The following SEC24D variants were observed in gnomAD, a reference collection of about 807,000 sequenced individuals.
SEC24D encodes the protein SEC24 homolog D, COPII component, also known as protein transport protein Sec24D.
A neutral mutation model predicts 116.9 loss-of-function variants in SEC24D; 69 were observed. The ratio of observed to expected loss-of-function variants is 0.59; its 90% CI spans 0.49 to 0.72. The LOEUF is 0.72. SEC24D is among the 30% of genes least tolerant of loss of function. SEC24D has a pLI of 0.00. For missense variants in SEC24D, 1,131 were observed against 1,264.1 expected, an observed-to-expected ratio of 0.89 and a Z score of 1.60; for synonymous variants, 405 against 442.8, an observed-to-expected ratio of 0.91 and a Z score of 1.07.
intron 15 of SEC24D, among the ~76,000 whole-genome samples, chr4:118,742,501 T>C (rs538965227): frequency 1.2e-4 from 18 of 152,204 alleles, no homozygotes; most frequent in Non-Finnish European, 2.1e-4. Context: ...GTCAGAATTC[T>C]GTATGATTAT....
At chr4:118,760,997 A>G (rs1384915087) in intron 10 of SEC24D, among the ~76,000 whole-genome samples, 1 of 151,994 alleles carries the variant, frequency 6.6e-6, no homozygotes, top group East Asian at 1.9e-4. Context: ...GATTACAGGC[A>G]TGAGCCACCG....
intron 9 of SEC24D, 62 bp from the exon 10 acceptor site, chr4:118,764,979 G>A (rs1727573550): frequency 2.2e-6 from 2 of 928,290 alleles, no homozygotes; most frequent in Middle Eastern, 4.3e-4. Context: ...AATTTAGTAA[G>A]TTCTCAAAAT....
chr4:118,825,519 T>C (rs560576447), intron 2 of SEC24D: 6 of 451,808 alleles, frequency 1.3e-5, no homozygotes, highest in African/African-American at 4.0e-5. Context: ...AGGAGAGAAA[T>C]CACTGGGCTT....
chr4:118,771,783 C>T (rs561002921), intron 8 of SEC24D, among the ~76,000 whole-genome samples: 1 of 152,280 alleles, frequency 6.6e-6, no homozygotes, highest in South Asian at 2.1e-4. Context: ...TATTTGAATA[C>T]ATTATCAGTT....
Position 118,826,737 on chromosome 4 carries a change from T to TA in SEC24D, c.119-1989dup, listed in dbSNP as rs199732817. Among the ~76,000 whole-genome samples, 968 of 147,544 alleles carry TA rather than the reference T, an allele frequency of 6.6e-3. 12 individuals are homozygous for TA. The highest frequency in any genetic ancestry group is 0.022 in the African/African-American group (897 of 40,302). Reference sequence around the variant, plus strand: ...ACCCCTATAGACATGTCTAGAGAATTAAAAAAAAAAGCTCTGATATATGCA... The same window carrying TA: ...ACCCCTATAGACATGTCTAGAGAATTAAAAAAAAAAAGCTCTGATATATGCA... On this transcript the variant is annotated intron_variant, in intron 2 of 22. Transcript: ENST00000280551.
intron 21 of SEC24D, chr4:118,730,935 A>AC (rs1018904194): frequency 1.3e-4 from 33 of 259,464 alleles, no homozygotes; most frequent in Admixed American, 3.5e-4. Flanking sequence ...CCACTTTACT[A>AC]CCTGAAGGAA....
chr4:118,788,488 T>C (rs1317143338), intron 8 of SEC24D, among the ~76,000 whole-genome samples: 1 of 152,246 alleles, frequency 6.6e-6, no homozygotes, highest in Non-Finnish European at 1.5e-5. Flanking sequence ...CTAAAATATC[T>C]TGGTCCAAAA....
intron 8 of SEC24D, among the ~76,000 whole-genome samples, chr4:118,774,501 G>A (rs1728047508): frequency 6.6e-6 from 1 of 152,130 alleles, no homozygotes; most frequent in Non-Finnish European, 1.5e-5. Flanking sequence ...TTGTTCAGAG[G>A]AATGCAAGGT....
intron 21 of SEC24D, chr4:118,729,705 A>G (rs1313674276): frequency 6.6e-6 from 1 of 152,222 alleles, no homozygotes; most frequent in Non-Finnish European, 1.5e-5. Context: ...TAAAATGCTA[A>G]TGTTTGCTTC....
At chr4:118,793,971 C>A (rs963417001) in intron 8 of SEC24D, among the ~76,000 whole-genome samples, 5 of 152,216 alleles carry the variant, frequency 3.3e-5, no homozygotes, top group African/African-American at 1.2e-4. Context: ...AGAGCGTCTC[C>A]CTAAGTCAGA....
intron 6 of SEC24D, among the ~76,000 whole-genome samples, chr4:118,812,812 T>C (rs1217109153): frequency 2.6e-5 from 4 of 152,128 alleles, no homozygotes; most frequent in Admixed American, 2.0e-4. Flanking sequence ...AGGGGTCTAA[T>C]TGAGCTGGTT....
intron 9 of SEC24D, among the ~76,000 whole-genome samples, chr4:118,767,866 A>G (rs1727714296): frequency 6.6e-6 from 1 of 152,218 alleles, no homozygotes; most frequent in Non-Finnish European, 1.5e-5. Flanking sequence ...CATAAGAGGT[A>G]AAAATCTTAT....
In SEC24D at chr4:118,817,407, G is replaced by C; in HGVS notation, c.254C>G (p.Pro85Arg). The change falls in exon 4 of 23, where the codon CCA (proline) becomes CGA (arginine). Residue 85 changes from proline to arginine, a missense_variant. Physicochemically the swap from Pro to Arg is moderately radical, Grantham distance 103. Coordinates refer to ENST00000280551, the MANE Select transcript of SEC24D (RefSeq NM_014822.4). ...CACATTGTTGACAGGTGGAGGGCCT[G>C]GAAATCTGAGAGAGGAAAACAGGAT... is the stretch of plus-strand genomic sequence containing the variant. ...HATGHPPQRF[P>R]GPPPVNNVAS... 6.2e-7 allele frequency: 1 copy of C among 1,603,784 alleles called. No individual in the cohort carries two copies. Among genetic ancestry groups the C allele is most frequent in the Non-Finnish European group, 8.5e-7 (1 of 1,176,288 alleles).
At chr4:118,731,873 G>A (rs1392852862) in intron 20 of SEC24D, among the ~76,000 whole-genome samples, 1 of 152,196 alleles carries the variant, frequency 6.6e-6, no homozygotes, top group African/African-American at 2.4e-5. Flanking sequence ...GAGGAGGTAA[G>A]AGAAGGTGCC....
intron 11 of SEC24D, among the ~76,000 whole-genome samples, chr4:118,754,467 T>G (rs891727075): frequency 6.6e-6 from 1 of 152,094 alleles, no homozygotes; most frequent in Non-Finnish European, 1.5e-5. Context: ...TATAAATCAT[T>G]CTCATTGGGC....
At chr4:118,810,137 T>TGTGTGTGTGTGTG (rs56961502) in intron 6 of SEC24D, among the ~76,000 whole-genome samples, 19 of 104,250 alleles carry the variant, frequency 1.8e-4, no homozygotes, top group East Asian at 5.7e-4. Flanking sequence ...TGTGTGTGTG[T>TGTGTGTGTGTGTG]CAGAGGGTAT....
intron 2 of SEC24D, among the ~76,000 whole-genome samples, chr4:118,826,623 T>C (rs1449268544): frequency 6.6e-6 from 1 of 152,050 alleles, no homozygotes; most frequent in East Asian, 1.9e-4. Flanking sequence ...TTTTGGTCTT[T>C]TTTTTTCTTT....
At chr4:118,738,210 A>G (rs1255583974) in intron 19 of SEC24D, 51 bp downstream of exon 19, 10 of 1,201,136 alleles carry the variant, frequency 8.3e-6, no homozygotes, top group Non-Finnish European at 1.2e-5. Flanking sequence ...TGCTGAAGAA[A>G]TGAGTAGTCG....
intron 6 of SEC24D, among the ~76,000 whole-genome samples, chr4:118,809,122 C>A (rs1729797775): frequency 6.6e-6 from 1 of 152,128 alleles, no homozygotes; most frequent in Admixed American, 6.5e-5. Context: ...TACAGGCATG[C>A]ACTACCACGC....
Sources: allele counts gnomAD v4.1 joint callset (sites outside exome capture counted in the v4.1 genomes callset), GRCh38; gene constraint gnomAD v4.1.1; transcripts MANE v1.5; gene names NCBI Gene and HGNC (gene_info 2026-07-23, HGNC 2026-07-21).